Variants in SGCG observed in about 807,000 individuals in gnomAD.
SGCG encodes sarcoglycan gamma.
In SGCG, 26 loss-of-function variants were observed where a neutral mutation model predicts 29.3. The observed-to-expected ratio is 0.89, with a 90% CI of 0.65 to 1.23. The LOEUF is 1.23. Ranked by LOEUF, SGCG falls within the 50% of genes most tolerant of loss-of-function variation. SGCG has a pLI of 0.00. For synonymous variants in SGCG, 145 were observed against 129.7 expected (o/e 1.12, Z -0.80); for missense variants, 353 against 356.0 (o/e 0.99, Z 0.07).
intron 2 of SGCG, among the ~76,000 whole-genome samples, chr13:23,215,976 C>T (rs1878410714): frequency 6.7e-6 from 1 of 150,146 alleles, no homozygotes; most frequent in South Asian, 2.1e-4. Flanking sequence ...GATGACAGTA[C>T]TCAGAAAACG....
chr13:23,291,937 T>C (rs2137638492), intron 5 of SGCG, among the ~76,000 whole-genome samples: 1 of 152,250 alleles, frequency 6.6e-6, no homozygotes, highest in East Asian at 1.9e-4. Context: ...TCCTCAAGCC[T>C]AGCTGCTGAA....
intron 4 of SGCG, among the ~76,000 whole-genome samples, chr13:23,271,837 T>G (rs1419307009): frequency 6.6e-6 from 1 of 152,254 alleles, no homozygotes; most frequent in African/African-American, 2.4e-5. Context: ...CAAGTGTCTT[T>G]CAGAAGTATT....
chr13:23,252,657 C>G (rs535428458), intron 4 of SGCG, among the ~76,000 whole-genome samples: 203 of 152,222 alleles, frequency 1.3e-3, no homozygotes, highest in Non-Finnish European at 2.1e-3. Context: ...CATCACTGCA[C>G]TCCAGCCTGG....
the SGCG span, among the ~76,000 whole-genome samples, chr13:23,171,084 T>A: frequency 2.0e-5 from 3 of 152,200 alleles, no homozygotes; most frequent in Admixed American, 2.0e-4. Flanking sequence ...AGTCAAAATG[T>A]CTTTATCGTA....
chr13:23,243,024 A>T (rs1234025934), intron 3 of SGCG, among the ~76,000 whole-genome samples: 30 of 152,326 alleles, frequency 2.0e-4, no homozygotes, highest in Non-Finnish European at 1.6e-4. Flanking sequence ...CTTCTTAAAA[A>T]TATAGATTAA....
chr13:23,225,195 C>A (rs1253640884), intron 2 of SGCG, among the ~76,000 whole-genome samples: 3 of 152,142 alleles, frequency 2.0e-5, no homozygotes, highest in Admixed American at 6.5e-5. Flanking sequence ...TCCTAACACC[C>A]AAAGTCCACA....
chr13:23,169,332 T>G, the SGCG span, among the ~76,000 whole-genome samples: 2 of 151,722 alleles, frequency 1.3e-5, no homozygotes, highest in Non-Finnish European at 1.5e-5. Flanking sequence ...TCTGGTTGCA[T>G]TCTCCCTCAT....
chr13:23,173,553 T>G, the SGCG span, among the ~76,000 whole-genome samples: 1 of 152,220 alleles, frequency 6.6e-6, no homozygotes, highest in Non-Finnish European at 1.5e-5. Flanking sequence ...TGTTCTCTGT[T>G]CAGTTCTGCT....
chr13:23,286,639 G>A (rs8002536), intron 5 of SGCG, among the ~76,000 whole-genome samples: 65,888 of 151,896 alleles, frequency 0.43, 15,121 homozygotes, highest in Middle Eastern at 0.65. Context: ...GATAAAGTTC[G>A]GTTTATAAAT....
At position 23,317,050 on chromosome 13, in the gene SGCG, C is replaced by T. The variant is rs115004413; in HGVS notation, c.579-3587C>T. 1.8e-3 allele frequency among the ~76,000 whole-genome samples: 281 copies of T among 152,214 alleles called. 3 individuals are homozygous for T. The highest frequency in any genetic ancestry group is 6.5e-3 in the African/African-American group (268 of 41,544). ...TGAAAGCTGTCTCTACCAAGATTAG[C>T]CGGGCATGGTGGTAGGCACCTATAG... On this transcript the variant is annotated intron_variant, in intron 6 of 7. Coordinates refer to ENST00000218867, the MANE Select transcript of SGCG (RefSeq NM_000231.3).
intron 2 of SGCG, among the ~76,000 whole-genome samples, chr13:23,232,768 C>T (rs1276446560): frequency 1.3e-5 from 2 of 152,162 alleles, no homozygotes; most frequent in Non-Finnish European, 2.9e-5. Flanking sequence ...GGCGACAGTA[C>T]AAGACTCCAT....
chr13:23,242,719 T>TA (rs1249695572), intron 3 of SGCG, among the ~76,000 whole-genome samples: 2 of 152,174 alleles, frequency 1.3e-5, no homozygotes, highest in Non-Finnish European at 2.9e-5. Context: ...TTAGAAATGA[T>TA]ATAGTGGTGG....
intron 3 of SGCG, among the ~76,000 whole-genome samples, chr13:23,249,640 A>T (rs561226575): frequency 1.8e-4 from 27 of 152,322 alleles, no homozygotes; most frequent in African/African-American, 6.0e-4. Flanking sequence ...TTTTAAATCA[A>T]TAGTAGAGTC....
At chr13:23,301,145 A>G (rs1452004357) in intron 6 of SGCG, among the ~76,000 whole-genome samples, 2 of 152,176 alleles carry the variant, frequency 1.3e-5, no homozygotes, top group Non-Finnish European at 2.9e-5. Flanking sequence ...ACCATGGAGA[A>G]GAATTAGAAT....
chr13:23,318,776 C>T (rs1484064433), intron 6 of SGCG, among the ~76,000 whole-genome samples: 1 of 152,246 alleles, frequency 6.6e-6, no homozygotes, highest in South Asian at 2.1e-4. Flanking sequence ...AAGAAGTTTG[C>T]TCTTCTTAGC....
upstream of SGCG, among the ~76,000 whole-genome samples, chr13:23,179,874 T>C (rs1876673164): frequency 6.6e-6 from 1 of 152,180 alleles, no homozygotes; most frequent in African/African-American, 2.4e-5. Flanking sequence ...TGCTCCTTTT[T>C]TTCTTCATTT....
upstream of SGCG, among the ~76,000 whole-genome samples, chr13:23,178,626 A>G (rs919317724): frequency 1.3e-4 from 20 of 152,206 alleles, no homozygotes; most frequent in Admixed American, 2.6e-4. Flanking sequence ...TCACTAGTCA[A>G]TTGACAACCC....
chr13:23,224,830 C>A (rs1428373177), intron 2 of SGCG, among the ~76,000 whole-genome samples: 2 of 152,112 alleles, frequency 1.3e-5, no homozygotes, highest in African/African-American at 4.8e-5. Flanking sequence ...ATTCCCAATG[C>A]CCAGATCATA....
chr13:23,301,610 G>A (rs7333603), intron 6 of SGCG, among the ~76,000 whole-genome samples: 13,188 of 152,246 alleles, frequency 0.087, 652 homozygotes, highest in South Asian at 0.13. Flanking sequence ...AATGGGGTCC[G>A]GCGCGGTGGC....
Sources: gnomAD v4.1 joint callset for allele counts (sites outside exome capture counted in the v4.1 genomes callset) on GRCh38, gnomAD v4.1.1 for gene constraint, MANE v1.5 for transcripts, NCBI Gene and HGNC (gene_info 2026-07-23, HGNC 2026-07-21) for gene names.